Variants in ADCY5 observed in about 807,000 individuals in gnomAD.
ADCY5 encodes the protein adenylate cyclase type 5.
Under a neutral mutation model 119.7 loss-of-function variants are expected in ADCY5, and 30 were observed. The ratio of observed to expected loss-of-function variants is 0.25; its 90% confidence interval spans 0.19 to 0.34. The LOEUF is 0.34. Among genes scored for constraint, ADCY5 ranks in the 10% least tolerant of loss-of-function variants. The pLI is 1.00. For missense variants in ADCY5, 1,324 were observed against 1,775.2 expected (o/e 0.75, Z 4.57); for synonymous variants, 753 against 762.2 (o/e 0.99, Z 0.20).
At chr3:123,396,431 G>A (rs1456796410) in intron 1 of ADCY5, among the ~76,000 whole-genome samples, 1 of 129,410 alleles carries the variant, frequency 7.7e-6, no homozygotes, top group East Asian at 2.4e-4. Context: ...GGGAGGGAGG[G>A]AAAGAGAAAG....
At chr3:123,346,606 CT>C (rs1224377677) in intron 3 of ADCY5, among the ~76,000 whole-genome samples, 1 of 31,396 alleles carries the variant, frequency 3.2e-5, no homozygotes, top group Non-Finnish European at 8.9e-5. Context: ...TCAGCCTCAC[CT>C]TCTCTCTCTC....
chr3:123,380,863 C>T (rs1040979597), intron 1 of ADCY5, among the ~76,000 whole-genome samples: 3 of 152,192 alleles, frequency 2.0e-5, no homozygotes, highest in African/African-American at 7.2e-5. Flanking sequence ...CTGAGAGATA[C>T]TTGCCAGGAG....
intron 1 of ADCY5, among the ~76,000 whole-genome samples, chr3:123,436,787 CA>C (rs1332002343): frequency 2.0e-5 from 3 of 152,064 alleles, no homozygotes; most frequent in African/African-American, 7.2e-5. Context: ...GTCCAGCAAC[CA>C]ATCAGCTGTT....
chr3:123,320,617 C>G, intron 9 of ADCY5, 132 bp downstream of exon 9: 2 of 1,273,534 alleles, frequency 1.6e-6, no homozygotes, highest in Non-Finnish European at 2.2e-6. Flanking sequence ...CTAGGGTGGG[C>G]TCCATTCACT....
rs1944615715 is a variant in ADCY5 at position 123,396,940 on chromosome 3, AC to A, written c.1135-44360del. On this transcript the variant is annotated intron_variant, in intron 1 of 20. Coordinates refer to ENST00000462833, the MANE Select transcript of ADCY5 (RefSeq NM_183357.3). ...TGCGGGCACTTCACACACATGCCTCACCCTTCCCATGACTTTGGGGAAACTT... is the reference window on the plus strand; with the variant it reads ...TGCGGGCACTTCACACACATGCCTCACCTTCCCATGACTTTGGGGAAACTT... Among the ~76,000 whole-genome samples the A allele has an allele frequency of 2.6e-5, 4 of 152,070 alleles. No individual in the cohort carries two copies. In the South Asian group the frequency reaches 6.2e-4, roughly 24 times the overall value.
At chr3:123,306,943 A>G (rs1370741856) in intron 12 of ADCY5, among the ~76,000 whole-genome samples, 2 of 152,266 alleles carry the variant, frequency 1.3e-5, no homozygotes, top group South Asian at 4.1e-4. Context: ...TACATGCTAC[A>G]TGGATGAACC....
chr3:123,344,895 G>A (rs1194919384), intron 3 of ADCY5, among the ~76,000 whole-genome samples: 30 of 152,296 alleles, frequency 2.0e-4, no homozygotes, highest in Non-Finnish European at 1.0e-4. Flanking sequence ...TCTGTCCCTG[G>A]CGATGTCAGA....
chr3:123,355,420 G>A (rs1943005583), intron 1 of ADCY5, among the ~76,000 whole-genome samples: 1 of 152,130 alleles, frequency 6.6e-6, no homozygotes, highest in African/African-American at 2.4e-5. Context: ...TATGGCAACT[G>A]TACATATTTT....
At chr3:123,445,826 T>C (rs919188609) in intron 1 of ADCY5, among the ~76,000 whole-genome samples, 6 of 152,140 alleles carry the variant, frequency 3.9e-5, no homozygotes, top group African/African-American at 1.2e-4. Flanking sequence ...GGTGAGAGAA[T>C]AGAGGAGGAA....
At chr3:123,339,165 G>A (rs1414415215) in intron 3 of ADCY5, among the ~76,000 whole-genome samples, 1 of 152,232 alleles carries the variant, frequency 6.6e-6, no homozygotes, top group African/African-American at 2.4e-5. Flanking sequence ...GGAGGCTGAA[G>A]TGGCCACACC....
intron 12 of ADCY5, among the ~76,000 whole-genome samples, chr3:123,313,847 C>T (rs982347880): frequency 5.9e-5 from 9 of 152,186 alleles, no homozygotes; most frequent in Non-Finnish European, 8.8e-5. Context: ...AGCACCAAAG[C>T]GGGTGTCGAG....
At chr3:123,294,325 A>G (rs1939356035) in intron 17 of ADCY5, among the ~76,000 whole-genome samples, 1 of 152,184 alleles carries the variant, frequency 6.6e-6, no homozygotes, top group African/African-American at 2.4e-5. Context: ...CTGGGCAGAG[A>G]TTTGCTGAGG....
intron 1 of ADCY5, among the ~76,000 whole-genome samples, chr3:123,374,389 TG>T (rs1467046111): frequency 6.6e-6 from 1 of 152,134 alleles, no homozygotes; most frequent in African/African-American, 2.4e-5. Context: ...AAGCTGGTAA[TG>T]GGGGTTGTTT....
intron 1 of ADCY5, among the ~76,000 whole-genome samples, chr3:123,408,454 G>A (rs779749293): frequency 2.7e-5 from 4 of 147,392 alleles, no homozygotes; most frequent in Non-Finnish European, 4.5e-5. Context: ...TCAGGAGTTC[G>A]AGACCAGCCA....
chr3:123,323,358 A>T (rs564120233), intron 8 of ADCY5, among the ~76,000 whole-genome samples: 7 of 152,342 alleles, frequency 4.6e-5, no homozygotes, highest in African/African-American at 1.4e-4. Flanking sequence ...CAGTGCTTAT[A>T]GTCCAAACTA....
At position 123,352,828 on chromosome 3, in the gene ADCY5, A is replaced by C. The variant is rs994635577; in HGVS notation, c.1135-247T>G. On this transcript the variant is annotated intron_variant, in intron 1 of 20. Transcript: ENST00000462833. This position sits in a 1 kb window ranked among gnomAD's most constrained non-coding sequence, Gnocchi z 4.8. ...GTCCTCTAAAGACACTGAATCACCT[A>C]ATAATCATACTAAACATGCCTATAG... is the stretch of plus-strand genomic sequence containing the variant. 6.6e-6 allele frequency among the ~76,000 whole-genome samples: 1 copy of C among 152,210 alleles called. No individual in the cohort carries two copies. Among genetic ancestry groups the C allele is most frequent in the African/African-American group, 2.4e-5 (1 of 41,450 alleles).
At chr3:123,414,479 A>G (rs982058604) in intron 1 of ADCY5, among the ~76,000 whole-genome samples, 2 of 152,220 alleles carry the variant, frequency 1.3e-5, no homozygotes, top group African/African-American at 2.4e-5. Context: ...ACTAAACACC[A>G]GGGGATGAGG....
intron 1 of ADCY5, among the ~76,000 whole-genome samples, chr3:123,410,574 C>G (rs550940189): frequency 3.2e-4 from 49 of 152,310 alleles, no homozygotes; most frequent in African/African-American, 1.1e-3. Flanking sequence ...AGAATGAAAT[C>G]TAACAGGACA....
At chr3:123,339,311 G>A (rs1942169257) in intron 3 of ADCY5, among the ~76,000 whole-genome samples, 1 of 152,174 alleles carries the variant, frequency 6.6e-6, no homozygotes, top group Non-Finnish European at 1.5e-5. Flanking sequence ...GATGAGCAAG[G>A]AGTCACTCAT....
Sources: gnomAD v4.1 joint callset for allele counts (sites outside exome capture counted in the v4.1 genomes callset) on GRCh38, gnomAD v4.1.1 for gene constraint, Gnocchi (gnomAD v3.1) non-coding constraint, MANE v1.5 for transcripts, NCBI Gene and HGNC (gene_info 2026-07-23, HGNC 2026-07-21) for gene names.